Variants in TBX20 observed in about 807,000 individuals in gnomAD.
TBX20 encodes T-box transcription factor TBX20.
TBX20 carries 8 observed loss-of-function variants against 42.9 expected under a neutral mutation model. That is an observed-to-expected ratio of 0.19 (90% CI 0.11 to 0.34). The LOEUF (loss-of-function observed/expected upper bound fraction) is 0.34. Ranked by LOEUF, TBX20 falls within the 10% of genes least tolerant of loss-of-function variation. The pLI, the probability that TBX20 is intolerant of heterozygous loss-of-function variation, is 1.00. For synonymous variants in TBX20, 198 were observed against 222.8 expected (o/e 0.89, Z 0.99); for missense variants, 411 against 566.0 (o/e 0.73, Z 2.78).
chr7:35,251,879 C>T (rs997635100), intron 1 of TBX20, among the ~76,000 whole-genome samples: 6 of 152,134 alleles, frequency 3.9e-5, no homozygotes, highest in South Asian at 4.1e-4. Flanking sequence ...CCAGTGTAAG[C>T]GACAAGAACG....
chr7:35,247,703 T>C (rs1790220803), intron 3 of TBX20, among the ~76,000 whole-genome samples: 1 of 152,106 alleles, frequency 6.6e-6, no homozygotes, highest in South Asian at 2.1e-4. Flanking sequence ...TTAGCTCTGA[T>C]ACAAACTTTC....
intron 6 of TBX20, among the ~76,000 whole-genome samples, chr7:35,227,573 C>G (rs990628155): frequency 1.1e-4 from 17 of 152,100 alleles, no homozygotes; most frequent in Non-Finnish European, 2.5e-4. Flanking sequence ...AGTCTAGGAT[C>G]AATAGGCCAT....
In TBX20 at chr7:35,254,083, G is replaced by A. The variant is rs1790362533; in HGVS notation, c.-463C>T. On this transcript the variant is annotated 5_prime_UTR_variant, in exon 1 of 8. Coordinates refer to ENST00000408931, the MANE Select transcript of TBX20 (RefSeq NM_001077653.2). ...ACGCTGGCGTGGGGAGCGCGGCGCG[G>A]AACTACGGACAGTGAGCCCTGGCGC... 6.5e-6 allele frequency: 1 copy of A among 154,144 alleles called. No homozygotes were observed. Among genetic ancestry groups the A allele is most frequent in the South Asian group, 2.0e-4 (1 of 4,922 alleles). The allele number at this position is 154,144 out of a possible 1,614,324, so 9.5% of individuals were successfully genotyped here. A position where few individuals can be genotyped will look rare whatever the true frequency, so the allele number is the denominator to read the frequency against.
intron 5 of TBX20, among the ~76,000 whole-genome samples, chr7:35,236,006 C>T (rs1175503502): frequency 2.0e-5 from 3 of 152,034 alleles, no homozygotes; most frequent in Non-Finnish European, 2.9e-5. Context: ...AATGCATGAC[C>T]TTTCAATCTT....
chr7:35,214,804 G>A (rs911967353), intron 6 of TBX20, among the ~76,000 whole-genome samples: 3 of 152,088 alleles, frequency 2.0e-5, no homozygotes, highest in East Asian at 1.9e-4. Context: ...TTACATGAAC[G>A]TAGGAAAGAA....
intron 3 of TBX20, 44 bp from the exon 4 acceptor site, chr7:35,245,101 G>C: frequency 7.3e-7 from 1 of 1,368,056 alleles, no homozygotes; most frequent in Non-Finnish European, 1.0e-6. Context: ...TCTTTAAAAA[G>C]TCTGTCTCTG....
At chr7:35,239,814 A>G (rs535641610) in intron 5 of TBX20, among the ~76,000 whole-genome samples, 1 of 151,472 alleles carries the variant, frequency 6.6e-6, no homozygotes, top group African/African-American at 2.4e-5. Context: ...TGCAGTGGTG[A>G]GATCTCTGCT....
chr7:35,247,165 C>CA (rs757916672), intron 3 of TBX20, among the ~76,000 whole-genome samples: 8,337 of 79,290 alleles, frequency 0.11, 760 homozygotes, highest in African/African-American at 0.2. Context: ...GACTGGAGGG[C>CA]AAAAAAAAAA....
chr7:35,239,390 T>C (rs1312295888), intron 5 of TBX20, among the ~76,000 whole-genome samples: 2 of 152,186 alleles, frequency 1.3e-5, no homozygotes, highest in African/African-American at 2.4e-5. Flanking sequence ...AGAGCAATAG[T>C]CTTGGCTACC....
In TBX20 at chr7:35,250,303, G is replaced by A. The variant is rs531783918; in HGVS notation, c.128-100C>T. 89 of 1,446,212 alleles carry A rather than the reference G, an allele frequency of 6.2e-5. No homozygotes were observed. The South Asian group carries it at 1.1e-3, about 17-fold the overall frequency. 89.6% of individuals were successfully genotyped at this position (1,446,212 alleles called of 1,614,324 possible). A position where few individuals can be genotyped will look rare whatever the true frequency, so the allele number is the denominator to read the frequency against. On this transcript the variant is annotated intron_variant, in intron 1 of 7. Transcript: ENST00000408931. ...AAATGGTCACTTGGATTTGACTCAG[G>A]AAAAGTTAAGCTCAGAAACTCCAGG...
At chr7:35,223,176 C>T (rs1367398653) in intron 6 of TBX20, among the ~76,000 whole-genome samples, 5 of 152,058 alleles carry the variant, frequency 3.3e-5, no homozygotes, top group African/African-American at 4.8e-5. Context: ...ACAAGTTTTT[C>T]GGCCAGAACA....
chr7:35,239,249 C>T (rs1202693269), intron 5 of TBX20, among the ~76,000 whole-genome samples: 2 of 152,160 alleles, frequency 1.3e-5, no homozygotes, highest in Non-Finnish European at 2.9e-5. Flanking sequence ...CTTCATCTTG[C>T]CTTTCCCGAG....
Position 35,253,864 on chromosome 7 carries a change from A to G in TBX20, c.-244T>C, listed in dbSNP as rs1790357458. 1.9e-6 allele frequency: 1 copy of G among 528,704 alleles called. No homozygotes were observed. Among genetic ancestry groups the G allele is most frequent in the Non-Finnish European group, 3.3e-6 (1 of 299,506 alleles). 32.8% of individuals were successfully genotyped at this position (528,704 alleles called of 1,614,324 possible). ...CCGGAGAGGAGAGGGCCCACCGAGCACTACGGCGGGTGCGCACGCCCCGGG... is the reference window on the plus strand; with the variant it reads ...CCGGAGAGGAGAGGGCCCACCGAGCGCTACGGCGGGTGCGCACGCCCCGGG... On this transcript the variant is annotated 5_prime_UTR_variant, in exon 1 of 8. Coordinates refer to ENST00000408931, the MANE Select transcript of TBX20 (RefSeq NM_001077653.2).
chr7:35,239,427 A>T (rs1395880857), intron 5 of TBX20, among the ~76,000 whole-genome samples: 1 of 152,254 alleles, frequency 6.6e-6, no homozygotes, highest in Non-Finnish European at 1.5e-5. Context: ...AACACAAGAT[A>T]CAAAGACACA....
chr7:35,247,819 C>T (rs1280337641), intron 3 of TBX20, among the ~76,000 whole-genome samples: 1 of 152,016 alleles, frequency 6.6e-6, no homozygotes, highest in African/African-American at 2.4e-5. Context: ...TTTTAAAATC[C>T]CAAACATAAA....
chr7:35,238,950 T>C (rs746164357), intron 5 of TBX20, among the ~76,000 whole-genome samples: 2 of 152,060 alleles, frequency 1.3e-5, no homozygotes, highest in Non-Finnish European at 2.9e-5. Flanking sequence ...AGCCCCATCA[T>C]AACCACATGT....
At position 35,253,816 on chromosome 7, in the gene TBX20, A is replaced by C. The variant is rs1226249556; in HGVS notation, c.-196T>G. ...TCTATTCCCCACCGCAAAGCCCCAG[A>C]GCCGCAGAGACTTCGAAGGCAGCCG... is the stretch of plus-strand genomic sequence containing the variant. On this transcript the variant is annotated 5_prime_UTR_variant, in exon 1 of 8. Transcript: ENST00000408931. The C allele has an allele frequency of 3.0e-6, 2 of 664,866 alleles. No homozygotes were observed. The highest frequency in any genetic ancestry group is 3.6e-5 in the African/African-American group (2 of 54,930). 41.2% of individuals were successfully genotyped at this position (664,866 alleles called of 1,614,324 possible).
chr7:35,222,811 C>A (rs968486216), intron 6 of TBX20, among the ~76,000 whole-genome samples: 4 of 151,918 alleles, frequency 2.6e-5, no homozygotes, highest in Admixed American at 2.0e-4. Flanking sequence ...TTCTACAGAA[C>A]CTTTGAGGCC....
chr7:35,233,739 T>C (rs550293693), intron 5 of TBX20, among the ~76,000 whole-genome samples: 1 of 152,376 alleles, frequency 6.6e-6, no homozygotes, highest in South Asian at 2.1e-4. Context: ...ACATGAGCTA[T>C]GTCTCTTTGT....
Sources: allele counts gnomAD v4.1 joint callset (sites outside exome capture counted in the v4.1 genomes callset), GRCh38; gene constraint gnomAD v4.1.1; transcripts MANE v1.5; gene names NCBI Gene and HGNC (gene_info 2026-07-23, HGNC 2026-07-21).